The following WDR7 variants were observed in gnomAD, a reference collection of about 807,000 sequenced individuals.
The protein encoded by WDR7 is WD repeat-containing protein 7.
WDR7 carries 46 observed loss-of-function variants against 169.4 expected under a neutral mutation model. That is an observed-to-expected ratio of 0.27 (90% CI 0.21 to 0.35). The LOEUF is 0.35. Among genes scored for constraint, WDR7 ranks in the 10% least tolerant of loss-of-function variants. WDR7 has a pLI of 1.00. For missense variants in WDR7, 1,534 were observed against 1,859.3 expected, an observed-to-expected ratio of 0.83 and a Z score of 3.22; for synonymous variants, 612 against 666.8, an observed-to-expected ratio of 0.92 and a Z score of 1.27.
intron 19 of WDR7, among the ~76,000 whole-genome samples, chr18:56,790,895 C>A (rs2145114548): frequency 6.6e-6 from 1 of 152,120 alleles, no homozygotes; most frequent in Middle Eastern, 3.4e-3. Flanking sequence ...CCTGAATTGA[C>A]CCCAGCAAGA....
At chr18:56,704,495 C>T (rs1019079660) in intron 12 of WDR7, among the ~76,000 whole-genome samples, 1 of 152,064 alleles carries the variant, frequency 6.6e-6, no homozygotes, top group Non-Finnish European at 1.5e-5. Context: ...GGCATGATTG[C>T]GCCATTACAC....
chr18:57,030,229 A>G (rs1369626405), downstream of WDR7: 2 of 152,238 alleles, frequency 1.3e-5, no homozygotes, highest in African/African-American at 4.8e-5. Context: ...AATCAAGAAT[A>G]ATAAAATAGG....
At chr18:56,702,058 G>C (rs1568146501) in intron 12 of WDR7, among the ~76,000 whole-genome samples, 1 of 152,164 alleles carries the variant, frequency 6.6e-6, no homozygotes, top group Non-Finnish European at 1.5e-5. Context: ...CTCTGGGATA[G>C]GGGAGGCCAA....
At chr18:56,682,541 G>GGTAAATATCTAAATTTACCGAAGAA in intron 4 of WDR7, 138 bp from the exon 5 acceptor site, 2 of 898,636 alleles carry the variant, frequency 2.2e-6, no homozygotes, top group Non-Finnish European at 3.3e-6. Context: ...TGTACCATTT[G>GGTAAATATCTAAATTTACCGAAGAA]GTAAATATCT....
At chr18:57,008,917 TG>T (rs2048101689) in intron 26 of WDR7, among the ~76,000 whole-genome samples, 2 of 152,196 alleles carry the variant, frequency 1.3e-5, no homozygotes, top group African/African-American at 4.8e-5. Context: ...TTTAATCCCA[TG>T]AGGTAGGCAA....
chr18:57,031,072 C>T (rs1353688951), downstream of WDR7: 3 of 152,090 alleles, frequency 2.0e-5, no homozygotes, highest in Non-Finnish European at 4.4e-5. Context: ...CACCTTTTGG[C>T]TACAGATTGT....
Position 56,923,910 on chromosome 18 carries a change from C to A in WDR7, c.3527-12C>A. The A allele has an allele frequency of 6.6e-7, 1 of 1,524,752 alleles. No individual in the cohort carries two copies. Among genetic ancestry groups the A allele is most frequent in the Non-Finnish European group, 8.8e-7 (1 of 1,140,196 alleles). 94.5% of individuals were successfully genotyped at this position (1,524,752 alleles called of 1,614,324 possible). On this transcript the variant is annotated splice_polypyrimidine_tract_variant and intron_variant, in intron 21 of 27. Transcript: ENST00000254442. ...TTCCCCTTTTGCTCTGCATTTTATT[C>A]TATAATTTCAGGCAAGGCACTGACG... is the stretch of plus-strand genomic sequence containing the variant.
the WDR7 span, chr18:57,036,241 G>A: frequency 6.6e-6 from 1 of 152,226 alleles, no homozygotes; most frequent in African/African-American, 2.4e-5. Context: ...AAGGGTGAAG[G>A]CAGGGGACAC....
rs1304046684 is a variant in WDR7 at position 57,028,903 on chromosome 18, G to A, written c.*1696G>A. On this transcript the variant is annotated 3_prime_UTR_variant, in exon 28 of 28. Coordinates refer to ENST00000254442, the MANE Select transcript of WDR7 (RefSeq NM_015285.3). Reference sequence around the variant, plus strand: ...TAAAGATTATATATGTAGTTTCCAAGGAAGAAACAAAGACCTATACAGTTT... The same window carrying A: ...TAAAGATTATATATGTAGTTTCCAAAGAAGAAACAAAGACCTATACAGTTT... 6.6e-6 allele frequency: 1 copy of A among 152,612 alleles called. No homozygotes were observed. The highest frequency in any genetic ancestry group is 1.5e-5 in the Non-Finnish European group (1 of 68,034). The allele number at this position is 152,612 out of a possible 1,614,324, so 9.5% of individuals were successfully genotyped here.
intron 16 of WDR7, among the ~76,000 whole-genome samples, chr18:56,771,318 G>A (rs1433988899): frequency 6.6e-6 from 1 of 152,080 alleles, no homozygotes; most frequent in Non-Finnish European, 1.5e-5. Context: ...AACTTTAACA[G>A]TTTCATTAGT....
At chr18:57,013,485 C>T (rs760489206) in intron 26 of WDR7, among the ~76,000 whole-genome samples, 15 of 151,908 alleles carry the variant, frequency 9.9e-5, no homozygotes, top group Non-Finnish European at 1.8e-4. Flanking sequence ...TAAAGTATTA[C>T]GTTATATGAT....
At chr18:56,707,241 CCAA>C (rs767201121) in intron 12 of WDR7, among the ~76,000 whole-genome samples, 5 of 152,144 alleles carry the variant, frequency 3.3e-5, no homozygotes, top group Non-Finnish European at 7.3e-5. Context: ...CCTTGGCCTC[CCAA>C]AATGTTGGGA....
At chr18:56,835,006 G>A (rs1202296529) in intron 20 of WDR7, among the ~76,000 whole-genome samples, 1 of 152,144 alleles carries the variant, frequency 6.6e-6, no homozygotes, top group Non-Finnish European at 1.5e-5. Flanking sequence ...TAAGACTTCT[G>A]CAGCACAAGG....
chr18:56,992,948 A>G (rs1055357019), intron 26 of WDR7, among the ~76,000 whole-genome samples: 1 of 152,202 alleles, frequency 6.6e-6, no homozygotes, highest in African/African-American at 2.4e-5. Context: ...GTTTTGATAG[A>G]TAATGATCCT....
intron 14 of WDR7, among the ~76,000 whole-genome samples, chr18:56,745,639 G>T (rs1241976009): frequency 1.3e-5 from 2 of 152,166 alleles, no homozygotes; most frequent in African/African-American, 2.4e-5. Context: ...CCTGCTGTAG[G>T]ACCCCGTTCC....
intron 20 of WDR7, among the ~76,000 whole-genome samples, chr18:56,879,356 A>G (rs1464759567): frequency 6.6e-6 from 1 of 152,076 alleles, no homozygotes; most frequent in Non-Finnish European, 1.5e-5. Flanking sequence ...TTTGCTTTGC[A>G]TTTTCCTCAT....
chr18:56,686,986 A>C lies in WDR7; in HGVS notation c.717+12A>C, dbSNP rs990688973. ...CCAAATATTGGAGGGTAAGATAATT[A>C]TATAAATAAGAAGCTGTATTTTTAT... On this transcript the variant is annotated intron_variant, in intron 7 of 27. Coordinates refer to ENST00000254442, the MANE Select transcript of WDR7 (RefSeq NM_015285.3). The C allele has an allele frequency of 1.1e-5, 17 of 1,598,730 alleles. No individual in the cohort carries two copies. The Admixed American group carries it at 1.4e-4, about 13-fold the overall frequency.
In WDR7 at chr18:56,923,836, G is replaced by A. The variant is rs541356669; in HGVS notation, c.3527-86G>A. 30 of 1,288,856 alleles carry A rather than the reference G, an allele frequency of 2.3e-5. No individual in the cohort carries two copies. In the African/African-American group the frequency reaches 4.6e-4, roughly 20 times the overall value. 79.8% of individuals were successfully genotyped at this position (1,288,856 alleles called of 1,614,324 possible). On this transcript the variant is annotated intron_variant, in intron 21 of 27. Coordinates refer to ENST00000254442, the MANE Select transcript of WDR7 (RefSeq NM_015285.3). Reference sequence around the variant, plus strand: ...TTTTTCAGTTAAAAAATCAAAAATGGATTATATTTTGAAAGTATGCTTCAA... The same window carrying A: ...TTTTTCAGTTAAAAAATCAAAAATGAATTATATTTTGAAAGTATGCTTCAA...
chr18:56,891,922 G>A (rs1479990863), intron 21 of WDR7, among the ~76,000 whole-genome samples: 1 of 151,966 alleles, frequency 6.6e-6, no homozygotes, highest in East Asian at 1.9e-4. Context: ...AACCACATCA[G>A]CATACTAAGT....
Sources: allele counts gnomAD v4.1 joint callset (sites outside exome capture counted in the v4.1 genomes callset), GRCh38; gene constraint gnomAD v4.1.1; transcripts MANE v1.5; gene names NCBI Gene and HGNC (gene_info 2026-07-23, HGNC 2026-07-21).